The following HS2ST1 variants were observed in gnomAD, a reference collection of about 807,000 sequenced individuals.
HS2ST1 encodes heparan sulfate 2-O-sulfotransferase 1.
Under a neutral mutation model 42.9 loss-of-function variants are expected in HS2ST1, and 18 were observed. That is an observed-to-expected ratio of 0.42 (90% CI 0.29 to 0.62). The LOEUF (loss-of-function observed/expected upper bound fraction) is 0.62, where lower values mean the gene tolerates loss of function less well. Among genes scored for constraint, HS2ST1 ranks in the 20% least tolerant of loss-of-function variants. The pLI is 0.21. For missense variants in HS2ST1, 334 were observed against 433.8 expected (o/e 0.77, Z 2.04); for synonymous variants, 146 against 152.9 (o/e 0.95, Z 0.33).
chr1:87,052,511 A>G (rs768523976), intron 1 of HS2ST1, among the ~76,000 whole-genome samples: 1 of 152,194 alleles, frequency 6.6e-6, no homozygotes, highest in Non-Finnish European at 1.5e-5. Flanking sequence ...TTGCATTTTC[A>G]CAGGGTTTTG....
At chr1:87,080,999 C>G (rs896270591) in intron 2 of HS2ST1, among the ~76,000 whole-genome samples, 1 of 152,104 alleles carries the variant, frequency 6.6e-6, no homozygotes, top group African/African-American at 2.4e-5. Context: ...GTCAATTCAG[C>G]AAGAGAATAT....
At chr1:87,062,893 A>T (rs1651152564) in intron 1 of HS2ST1, among the ~76,000 whole-genome samples, 1 of 152,132 alleles carries the variant, frequency 6.6e-6, no homozygotes, top group African/African-American at 2.4e-5. Flanking sequence ...CTGTTAATCC[A>T]GTTTTCTCTT....
intron 1 of HS2ST1, among the ~76,000 whole-genome samples, chr1:86,969,973 A>G (rs1389635415): frequency 6.6e-6 from 1 of 152,232 alleles, no homozygotes; most frequent in Admixed American, 6.5e-5. Flanking sequence ...TAAATATACA[A>G]AATTAGCCAG....
At chr1:86,982,856 C>G (rs1377030859) in intron 1 of HS2ST1, among the ~76,000 whole-genome samples, 1 of 152,200 alleles carries the variant, frequency 6.6e-6, no homozygotes, top group Admixed American at 6.5e-5. Flanking sequence ...GAAATTTATT[C>G]TGTCAGATAA....
At chr1:86,968,675 G>T (rs1224294271) in intron 1 of HS2ST1, among the ~76,000 whole-genome samples, 1 of 152,038 alleles carries the variant, frequency 6.6e-6, no homozygotes, top group African/African-American at 2.4e-5. Context: ...CTAAGTGGTG[G>T]ATTACAGGCA....
intron 1 of HS2ST1, among the ~76,000 whole-genome samples, chr1:87,070,512 G>A (rs1288527939): frequency 6.6e-6 from 1 of 152,058 alleles, no homozygotes; most frequent in Non-Finnish European, 1.5e-5. Flanking sequence ...GATAACCTAA[G>A]CCTGGGGAGG....
At chr1:86,940,320 G>T (rs1293948013) in intron 1 of HS2ST1, among the ~76,000 whole-genome samples, 1 of 152,210 alleles carries the variant, frequency 6.6e-6, no homozygotes, top group African/African-American at 2.4e-5. Flanking sequence ...TCTGCAGTGA[G>T]CTATGGTCTC....
At chr1:87,032,235 A>G (rs889169268) in intron 1 of HS2ST1, among the ~76,000 whole-genome samples, 8 of 152,316 alleles carry the variant, frequency 5.3e-5, no homozygotes, top group Middle Eastern at 3.4e-3. Flanking sequence ...AGTTTTGACT[A>G]TTATAGAAAA....
chr1:87,072,343 ATTTATAATCAC>A (rs1486964486), intron 1 of HS2ST1, among the ~76,000 whole-genome samples: 4 of 152,276 alleles, frequency 2.6e-5, no homozygotes, highest in Non-Finnish European at 4.4e-5. Flanking sequence ...TTAATTTATA[ATTTATAATCAC>A]TTTATAATCA....
At chr1:86,926,890 T>C (rs1333621887) in intron 1 of HS2ST1, among the ~76,000 whole-genome samples, 1 of 152,214 alleles carries the variant, frequency 6.6e-6, no homozygotes, top group Non-Finnish European at 1.5e-5. Context: ...TCCTTCCTTA[T>C]AGAAGTTTCA....
At chr1:87,039,189 C>G (rs1194957161) in intron 1 of HS2ST1, among the ~76,000 whole-genome samples, 1 of 152,130 alleles carries the variant, frequency 6.6e-6, no homozygotes, top group Non-Finnish European at 1.5e-5. Flanking sequence ...TGGTGAATTT[C>G]TGGCCAGTTG....
At chr1:87,072,226 A>T (rs1651429910) in intron 1 of HS2ST1, among the ~76,000 whole-genome samples, 1 of 152,064 alleles carries the variant, frequency 6.6e-6, no homozygotes, top group African/African-American at 2.4e-5. Flanking sequence ...AAGAAAAAGG[A>T]TTTATGGTAG....
intron 1 of HS2ST1, among the ~76,000 whole-genome samples, chr1:86,929,127 T>C (rs975347599): frequency 2.0e-5 from 3 of 151,922 alleles, no homozygotes; most frequent in African/African-American, 7.2e-5. Flanking sequence ...CTTCAGAGAA[T>C]TGCTGTGAAG....
At chr1:86,990,836 A>ATTTT (rs55739816) in intron 1 of HS2ST1, among the ~76,000 whole-genome samples, 3 of 44,230 alleles carry the variant, frequency 6.8e-5, no homozygotes, top group African/African-American at 2.4e-4. Flanking sequence ...ATATATATAT[A>ATTTT]TTTTTTTTTT....
At chr1:87,045,084 A>G (rs528018038) in intron 1 of HS2ST1, 23 of 982,496 alleles carry the variant, frequency 2.3e-5, no homozygotes, top group Non-Finnish European at 3.6e-5. Context: ...ATCCGAATCA[A>G]CTGTGAGAAC....
intron 1 of HS2ST1, among the ~76,000 whole-genome samples, chr1:86,979,116 A>G (rs1648508828): frequency 6.6e-6 from 1 of 152,082 alleles, no homozygotes; most frequent in Admixed American, 6.5e-5. Context: ...TCAGCCCCCT[A>G]AAATGCTAGG....
intron 1 of HS2ST1, among the ~76,000 whole-genome samples, chr1:86,940,574 C>G (rs549550984): frequency 7.2e-5 from 11 of 152,284 alleles, no homozygotes; most frequent in African/African-American, 2.4e-4. Flanking sequence ...GATACTTGTT[C>G]TACTCAGAAT....
intron 1 of HS2ST1, among the ~76,000 whole-genome samples, chr1:87,044,186 G>A (rs951991186): frequency 2.6e-5 from 4 of 152,106 alleles, no homozygotes; most frequent in African/African-American, 9.7e-5. Flanking sequence ...AGCAGTAACA[G>A]TACCGACATT....
At chr1:86,993,512 C>A (rs1382211919) in intron 1 of HS2ST1, among the ~76,000 whole-genome samples, 2 of 152,156 alleles carry the variant, frequency 1.3e-5, no homozygotes, top group Non-Finnish European at 2.9e-5. Flanking sequence ...CAGTAAGATA[C>A]ATGTTTACTA....
Sources: gnomAD v4.1 joint callset for allele counts (sites outside exome capture counted in the v4.1 genomes callset) on GRCh38, gnomAD v4.1.1 for gene constraint, MANE v1.5 for transcripts, NCBI Gene and HGNC (gene_info 2026-07-23, HGNC 2026-07-21) for gene names.